The following MRPL32 variants were observed in gnomAD, a reference collection of about 807,000 sequenced individuals.
MRPL32 encodes the protein large ribosomal subunit protein bL32m.
A neutral mutation model predicts 21.7 loss-of-function variants in MRPL32; 14 were observed. The observed-to-expected ratio is 0.64, with a 90% confidence interval of 0.43 to 1.01. The LOEUF is 1.01. Among genes scored for constraint, MRPL32 ranks in the 50% least tolerant of loss-of-function variants. MRPL32 has a pLI of 0.00. For synonymous variants in MRPL32, 83 were observed against 87.7 expected, an observed-to-expected ratio of 0.95 and a Z score of 0.30; for missense variants, 211 against 235.9, an observed-to-expected ratio of 0.89 and a Z score of 0.69.
At chr7:42,935,412 T>C (rs1786408270) in intron 2 of MRPL32, 1 of 263,394 alleles carries the variant, frequency 3.8e-6, no homozygotes, top group African/African-American at 2.2e-5. Context: ...ACTTCTGAAT[T>C]GTGAGCTGTG....
In MRPL32 at chr7:42,934,259, C is replaced by T. The variant is rs530578822; in HGVS notation, c.131-696C>T. ...CTCTAGCCTGAGTGACAGAGTGAGA[C>T]TCAGTCTCAAAAAAAAAAAAAAAAA... On this transcript the variant is annotated intron_variant, in intron 1 of 2. Transcript: ENST00000223324. Among the ~76,000 whole-genome samples, 207 of 71,404 alleles carry T rather than the reference C, an allele frequency of 2.9e-3. 4 individuals are homozygous for T. The highest frequency in any genetic ancestry group is 0.011 in the African/African-American group (202 of 18,134). 46.8% of individuals were successfully genotyped at this position (71,404 alleles called of 152,430 possible). A position where few individuals can be genotyped will look rare whatever the true frequency, so the allele number is the denominator to read the frequency against.
chr7:42,935,215 G>A, intron 2 of MRPL32, 79 bp downstream of exon 2: 1 of 1,234,336 alleles, frequency 8.1e-7, no homozygotes, highest in Non-Finnish European at 1.1e-6. Flanking sequence ...CTATAGCCTA[G>A]GAATAAATTA....
In MRPL32 at chr7:42,935,238, A is replaced by G. The variant is rs1345868556; in HGVS notation, c.312+102A>G. ...TAGGAATAAATTATTATCAGATTAT[A>G]TGTGTCTACTTTCCTCTGGCCTAAA... is the stretch of plus-strand genomic sequence containing the variant. On this transcript the variant is annotated intron_variant, in intron 2 of 2. Coordinates refer to ENST00000223324, the MANE Select transcript of MRPL32 (RefSeq NM_031903.3). 6.2e-6 allele frequency: 6 copies of G among 961,194 alleles called. No individual in the cohort carries two copies. In the East Asian group the frequency reaches 1.3e-4, roughly 21 times the overall value. The allele number at this position is 961,194 out of a possible 1,614,324, so 59.5% of individuals were successfully genotyped here. A position where few individuals can be genotyped will look rare whatever the true frequency, so the allele number is the denominator to read the frequency against.
intron 1 of MRPL32, 61 bp downstream of exon 1, chr7:42,932,577 A>C: frequency 6.6e-7 from 1 of 1,513,780 alleles, no homozygotes; most frequent in Non-Finnish European, 8.9e-7. Flanking sequence ...GCAGCGTAGC[A>C]GACGCAGCTT....
At chr7:42,937,146 A>G (rs372383197) in intron 2 of MRPL32, 176 bp from the exon 3 acceptor site, 4 of 1,500,656 alleles carry the variant, frequency 2.7e-6, no homozygotes, top group African/African-American at 1.4e-5. Flanking sequence ...ATTCAAACTC[A>G]GTGTTGCTTG....
Position 42,935,150 on chromosome 7 carries a change from T to C in MRPL32, c.312+14T>C. ...ATTAAAGTTAAGGTAATGCATTGAT[T>C]TTTGTGGGTGTGCTTTTCCTCAAGT... is the stretch of plus-strand genomic sequence containing the variant. On this transcript the variant is annotated intron_variant, in intron 2 of 2. Coordinates refer to ENST00000223324, the MANE Select transcript of MRPL32 (RefSeq NM_031903.3). 6.9e-6 allele frequency: 11 copies of C among 1,602,270 alleles called. No homozygotes were observed. Among genetic ancestry groups the C allele is most frequent in the Non-Finnish European group, 9.4e-6 (11 of 1,174,478 alleles).
At chr7:42,932,631 T>C in intron 1 of MRPL32, 115 bp downstream of exon 1, 2 of 1,186,768 alleles carry the variant, frequency 1.7e-6, no homozygotes, top group Non-Finnish European at 2.2e-6. Flanking sequence ...CGGCCTCATG[T>C]CGGGGACGTA....
Position 42,934,225 on chromosome 7 carries a change from G to A in MRPL32, c.131-730G>A, listed in dbSNP as rs1016216386. Among the ~76,000 whole-genome samples the A allele has an allele frequency of 1.2e-4, 17 of 147,280 alleles. No individual in the cohort carries two copies. In the South Asian group the frequency reaches 2.8e-3, roughly 24 times the overall value. ...GGAGGTTGCAGTGAGCCGAGGTCAC[G>A]CCACTGCACTCTAGCCTGAGTGACA... On this transcript the variant is annotated intron_variant, in intron 1 of 2. Transcript: ENST00000223324.
In MRPL32 at chr7:42,932,610, G is replaced by A. The variant is rs1207832213; in HGVS notation, c.130+94G>A. The A allele has an allele frequency of 6.6e-6, 9 of 1,355,226 alleles. No individual in the cohort carries two copies. The Admixed American group carries it at 1.4e-4, about 22-fold the overall frequency. 84.0% of individuals were successfully genotyped at this position (1,355,226 alleles called of 1,614,324 possible). A position where few individuals can be genotyped will look rare whatever the true frequency, so the allele number is the denominator to read the frequency against. On this transcript the variant is annotated intron_variant, in intron 1 of 2. Coordinates refer to ENST00000223324, the MANE Select transcript of MRPL32 (RefSeq NM_031903.3). ...CTTACACAGTTCGCCCTCAGCCCCG[G>A]TTCTGATCCGCGGCCTCATGTCGGG...
Position 42,933,834 on chromosome 7 carries a change from G to A in MRPL32, c.131-1121G>A, listed in dbSNP as rs115264780. On this transcript the variant is annotated intron_variant, in intron 1 of 2. Coordinates refer to ENST00000223324, the MANE Select transcript of MRPL32 (RefSeq NM_031903.3). The stretch of plus-strand genomic sequence containing the variant: ...CAACTGAAACAGTAGGCTCACAATG[G>A]TCCCAAGTTCACAGACAGTCCTGAG... 4.3e-3 allele frequency among the ~76,000 whole-genome samples: 659 copies of A among 152,218 alleles called. 7 individuals carry two copies. Among genetic ancestry groups the A allele is most frequent in the African/African-American group, 0.015 (634 of 41,516 alleles).
intron 2 of MRPL32, 140 bp from the exon 3 acceptor site, chr7:42,937,182 G>C (rs755158498): frequency 1.9e-6 from 3 of 1,561,118 alleles, no homozygotes; most frequent in Non-Finnish European, 2.6e-6. Context: ...TTAAAGTGAG[G>C]TGGAACTAGA....
intron 1 of MRPL32, among the ~76,000 whole-genome samples, chr7:42,933,333 G>A (rs1189232335): frequency 2.6e-5 from 4 of 152,146 alleles, no homozygotes; most frequent in African/African-American, 9.7e-5. Context: ...GGTCAAGTCT[G>A]TGGAGTTCAG....
At chr7:42,935,191 C>A in intron 2 of MRPL32, 55 bp downstream of exon 2, 2 of 1,441,070 alleles carry the variant, frequency 1.4e-6, no homozygotes, top group Non-Finnish European at 9.6e-7. Flanking sequence ...ATTGAATAAG[C>A]TCATGGTAGA....
chr7:42,934,405 G>A (rs1437371906), intron 1 of MRPL32, among the ~76,000 whole-genome samples: 1 of 152,124 alleles, frequency 6.6e-6, no homozygotes, highest in Admixed American at 6.5e-5. Flanking sequence ...ATGGTGAGCT[G>A]GCTCTTTTCT....
chr7:42,937,155 T>C (rs1057159664), intron 2 of MRPL32, 167 bp from the exon 3 acceptor site: 1 of 1,527,644 alleles, frequency 6.5e-7, no homozygotes, highest in African/African-American at 1.4e-5. Context: ...CAGTGTTGCT[T>C]GTCTTCAGTC....
intron 1 of MRPL32, 101 bp from the exon 2 acceptor site, chr7:42,934,848 TTGTGTG>T: frequency 1.4e-6 from 1 of 728,140 alleles, no homozygotes; most frequent in South Asian, 3.5e-5. Flanking sequence ...TATATAGTTT[TTGTGTG>T]TGTGTATGTT....
chr7:42,932,769 C>T (rs1018031630), intron 1 of MRPL32, among the ~76,000 whole-genome samples: 1 of 149,750 alleles, frequency 6.7e-6, no homozygotes, highest in Non-Finnish European at 1.5e-5. Context: ...AAGCTTGTGT[C>T]AAAGATAAAT....
At position 42,937,047 on chromosome 7, in the gene MRPL32, T is replaced by C. The variant is rs371789610; in HGVS notation, c.313-275T>C. On this transcript the variant is annotated intron_variant, in intron 2 of 2. Transcript: ENST00000223324. The stretch of plus-strand genomic sequence containing the variant: ...TGGAGTTAGGGGAAATGAGTATTTC[T>C]TTTTTCTTTTTTACATAACTACAAC... 9.5e-5 allele frequency: 53 copies of C among 560,688 alleles called. No individual in the cohort carries two copies. In the East Asian group the frequency reaches 2.1e-3, roughly 22 times the overall value. The allele number at this position is 560,688 out of a possible 1,614,324, so 34.7% of individuals were successfully genotyped here. A position where few individuals can be genotyped will look rare whatever the true frequency, so the allele number is the denominator to read the frequency against.
chr7:42,937,560 GGT>G lies in MRPL32; in HGVS notation c.552_553del (p.Trp184CysfsTer13). ...GAACGAGACAGAAAGCGACCATCCT[GGT>G]TCACCCAGAATTGACACCAAAGATG... On this transcript the variant is annotated frameshift_variant, in exon 3 of 3. Transcript: ENST00000223324. LOFTEE classifies it high-confidence loss of function. 1.2e-6 allele frequency: 2 copies of G among 1,608,030 alleles called. No individual in the cohort carries two copies. Among genetic ancestry groups the G allele is most frequent in the Non-Finnish European group, 8.5e-7 (1 of 1,176,634 alleles).
Sources: gnomAD v4.1 joint callset for allele counts (sites outside exome capture counted in the v4.1 genomes callset) on GRCh38, gnomAD v4.1.1 for gene constraint, MANE v1.5 for transcripts, NCBI Gene and HGNC (gene_info 2026-07-23, HGNC 2026-07-21) for gene names.